ANO3: variants seen among roughly 807,000 people sequenced by gnomAD.
ANO3 encodes anoctamin-3.
A neutral mutation model predicts 144.8 loss-of-function variants in ANO3; 99 were observed. The ratio of observed to expected loss-of-function variants is 0.68; its 90% CI spans 0.58 to 0.81. The LOEUF (loss-of-function observed/expected upper bound fraction) is 0.81, where lower values mean the gene tolerates loss of function less well. Among genes scored for constraint, ANO3 ranks in the 30% least tolerant of loss-of-function variants. The pLI, the probability that ANO3 is intolerant of heterozygous loss-of-function variation, is 0.00. For synonymous variants in ANO3, 414 were observed against 392.6 expected (o/e 1.05, Z -0.64); for missense variants, 905 against 1,202.2 (o/e 0.75, Z 3.66).
chr11:26,546,352 T>C (rs2663167), intron 11 of ANO3, among the ~76,000 whole-genome samples: 99,964 of 151,726 alleles, frequency 0.66, 33,221 homozygotes, highest in East Asian at 0.83. Context: ...CCCAGTAGAA[T>C]ATGCAAAAGA....
At chr11:26,427,356 T>G (rs933196052) in intron 1 of ANO3, 1 of 152,594 alleles carries the variant, frequency 6.6e-6, no homozygotes, top group South Asian at 2.1e-4. Flanking sequence ...TCAGCTGAAC[T>G]ACAGCCTAGT....
At chr11:26,260,556 G>T (rs1853163498) in intron 1 of ANO3, among the ~76,000 whole-genome samples, 1 of 152,080 alleles carries the variant, frequency 6.6e-6, no homozygotes, top group African/African-American at 2.4e-5. Context: ...TGTTGGAAAA[G>T]GAGAATAACA....
chr11:26,237,972 T>C (rs570049113), intron 1 of ANO3, among the ~76,000 whole-genome samples: 1 of 152,290 alleles, frequency 6.6e-6, no homozygotes, highest in African/African-American at 2.4e-5. Flanking sequence ...TATCTGGGTC[T>C]GGAAGACAAA....
In ANO3 at chr11:26,480,304, C is replaced by G. The variant is rs12282055; in HGVS notation, c.432+17156C>G. ...ATTAAAACAAATTAAAAGCAGATCA[C>G]CAGTTCACTGGTCTTCCATGTGTAA... On this transcript the variant is annotated intron_variant, in intron 4 of 26. Coordinates refer to ENST00000256737, the MANE Select transcript of ANO3 (RefSeq NM_031418.4). Among the ~76,000 whole-genome samples, 700 of 152,254 alleles carry G rather than the reference C, an allele frequency of 4.6e-3. 3 individuals carry two copies. Among genetic ancestry groups the G allele is most frequent in the African/African-American group, 0.016 (664 of 41,530 alleles).
chr11:26,544,251 C>CACACATATATATATATATATAT (rs1183023481), intron 11 of ANO3, among the ~76,000 whole-genome samples: 14 of 38,472 alleles, frequency 3.6e-4, no homozygotes, highest in African/African-American at 4.7e-4. Context: ...TTTCATTATA[C>CACACATATATATATATATATAT]ATATATATAT....
chr11:26,292,693 G>A (rs1853988127), intron 1 of ANO3, among the ~76,000 whole-genome samples: 1 of 152,188 alleles, frequency 6.6e-6, no homozygotes, highest in Non-Finnish European at 1.5e-5. Flanking sequence ...GTCTGTTGGA[G>A]TTTGCTGAAG....
At chr11:26,606,431 T>C (rs1332064215) in intron 17 of ANO3, among the ~76,000 whole-genome samples, 1 of 152,200 alleles carries the variant, frequency 6.6e-6, no homozygotes, top group Non-Finnish European at 1.5e-5. Flanking sequence ...GTTCTGTTGA[T>C]GTCTATTAGA....
intron 17 of ANO3, among the ~76,000 whole-genome samples, chr11:26,622,266 T>G (rs570927626): frequency 6.6e-6 from 1 of 152,194 alleles, no homozygotes; most frequent in East Asian, 1.9e-4. Context: ...TTGCAGATAT[T>G]GCCATCCTAA....
At chr11:26,201,458 A>AT (rs1292878471) in intron 1 of ANO3, among the ~76,000 whole-genome samples, 5 of 151,956 alleles carry the variant, frequency 3.3e-5, no homozygotes, top group East Asian at 1.9e-4. Context: ...TGCCAGGGAT[A>AT]TTTTTTTCCA....
At chr11:26,494,129 C>A (rs1301126863) in intron 4 of ANO3, among the ~76,000 whole-genome samples, 1 of 151,494 alleles carries the variant, frequency 6.6e-6, no homozygotes, top group Non-Finnish European at 1.5e-5. Flanking sequence ...TCTATTTTTG[C>A]AGAAATAGTA....
chr11:26,563,180 C>T (rs751969246), intron 14 of ANO3: 1 of 1,612,468 alleles, frequency 6.2e-7, no homozygotes, highest in East Asian at 2.2e-5. Context: ...TTTTTCCACA[C>T]AACAAGTAGC....
chr11:26,266,712 C>A (rs1413196604), intron 1 of ANO3, among the ~76,000 whole-genome samples: 1 of 149,998 alleles, frequency 6.7e-6, no homozygotes. Context: ...GGATTACAGG[C>A]GTGATCCACC....
At chr11:26,365,979 TATATATATATATATATATA>T (rs1177755602) in intron 1 of ANO3, among the ~76,000 whole-genome samples, 7,403 of 24,962 alleles carry the variant, frequency 0.3, 438 homozygotes, top group East Asian at 0.48. Flanking sequence ...TATATATATA[TATATATATATATATATATA>T]TATATTTTAA....
rs757161253 is a variant in ANO3 at position 26,559,714 on chromosome 11, C to T, written c.1387-5C>T. ...GACTAATATTTCTGTTTGTTTTCTACTCAGGTGACATATTTGTTCGATAAT... is the reference window on the plus strand; with the variant it reads ...GACTAATATTTCTGTTTGTTTTCTATTCAGGTGACATATTTGTTCGATAAT... On this transcript the variant is annotated splice_polypyrimidine_tract_variant and splice_region_variant and intron_variant, in intron 13 of 26. Transcript: ENST00000256737. 15 of 1,607,876 alleles carry T rather than the reference C, an allele frequency of 9.3e-6. No individual in the cohort carries two copies. Among genetic ancestry groups the T allele is most frequent in the Non-Finnish European group, 1.3e-5 (15 of 1,174,688 alleles).
intron 5 of ANO3, among the ~76,000 whole-genome samples, chr11:26,514,029 T>C (rs1458044820): frequency 6.6e-6 from 1 of 151,130 alleles, no homozygotes; most frequent in East Asian, 1.9e-4. Flanking sequence ...AATAATTTAA[T>C]ACATAAAGAT....
intron 19 of ANO3, 127 bp downstream of exon 19, chr11:26,634,442 T>A: frequency 1.6e-6 from 1 of 609,790 alleles, no homozygotes; most frequent in Non-Finnish European, 2.9e-6. Flanking sequence ...CACAAAAAAA[T>A]AAAACCTATT....
chr11:26,509,401 T>G (rs1007711577), intron 5 of ANO3, among the ~76,000 whole-genome samples: 7 of 152,054 alleles, frequency 4.6e-5, no homozygotes, highest in Non-Finnish European at 2.9e-5. Flanking sequence ...ATGCAACCTC[T>G]GCCTCCCGGG....
At chr11:26,273,822 C>T (rs192497388) in intron 1 of ANO3, among the ~76,000 whole-genome samples, 9 of 152,128 alleles carry the variant, frequency 5.9e-5, no homozygotes, top group African/African-American at 2.2e-4. Context: ...AGGAAGAAGA[C>T]ATGGAGGAAG....
At chr11:26,473,588 A>G (rs529951752) in intron 4 of ANO3, among the ~76,000 whole-genome samples, 2 of 143,052 alleles carry the variant, frequency 1.4e-5, no homozygotes, top group South Asian at 4.8e-4. Context: ...CTATCAAAAA[A>G]GTGTTACCTA....
Sources: allele counts gnomAD v4.1 joint callset (sites outside exome capture counted in the v4.1 genomes callset), GRCh38; gene constraint gnomAD v4.1.1; transcripts MANE v1.5; gene names NCBI Gene and HGNC (gene_info 2026-07-23, HGNC 2026-07-21).